The following KCNN3 variants were observed in gnomAD, a reference collection of about 807,000 sequenced individuals.
The protein encoded by KCNN3 is small conductance calcium-activated potassium channel protein 3.
KCNN3 carries 16 observed loss-of-function variants against 62.9 expected under a neutral mutation model. That is an observed-to-expected ratio of 0.25 (90% CI 0.17 to 0.39). The LOEUF (loss-of-function observed/expected upper bound fraction) is 0.39, where lower values mean the gene tolerates loss of function less well. Among genes scored for constraint, KCNN3 ranks in the 10% least tolerant of loss-of-function variants. The pLI, the probability that KCNN3 is intolerant of heterozygous loss-of-function variation, is 1.00. For synonymous variants in KCNN3, 370 were observed against 389.2 expected, an observed-to-expected ratio of 0.95 and a Z score of 0.58; for missense variants, 599 against 949.4, an observed-to-expected ratio of 0.63 and a Z score of 4.85.
intron 3 of KCNN3, among the ~76,000 whole-genome samples, chr1:154,761,369 G>A (rs1648004149): frequency 1.3e-5 from 2 of 152,114 alleles, no homozygotes; most frequent in African/African-American, 4.8e-5. Context: ...TCAGGAGGGT[G>A]AGGCATGAGA....
intron 2 of KCNN3, among the ~76,000 whole-genome samples, chr1:154,821,317 G>T (rs1650882361): frequency 6.6e-6 from 1 of 152,194 alleles, no homozygotes. Context: ...AAAAACATCT[G>T]GATAGTTTAG....
intron 3 of KCNN3, among the ~76,000 whole-genome samples, chr1:154,768,081 C>T (rs1351019809): frequency 6.6e-6 from 1 of 152,178 alleles, no homozygotes; most frequent in African/African-American, 2.4e-5. Flanking sequence ...TTTCTAGAAC[C>T]TGTCATGCTG....
Position 154,869,847 on chromosome 1 carries a change from G to T in KCNN3, c.118C>A (p.Gln40Lys), listed in dbSNP as rs1476022991. 1 of 1,578,686 alleles carries T rather than the reference G, an allele frequency of 6.3e-7. No individual in the cohort carries two copies. Among genetic ancestry groups the T allele is most frequent in the Non-Finnish European group, 8.6e-7 (1 of 1,161,256 alleles). The change falls in exon 1 of 8, where the codon CAG becomes AAG. Residue 40 changes from glutamine (Q) to lysine (K), a missense_variant. Gln to Lys is a moderately conservative substitution (Grantham distance 53). Transcript: ENST00000271915. The surrounding 1 kb of genome is among the most constrained non-coding windows in gnomAD (Gnocchi z 6.1). ...GGTGGCGCTGGCGGTGGTGGCTGCTGCTGCTGTTGCTGCTGCTGCTGCTGC... is the reference window on the plus strand; with the variant it reads ...GGTGGCGCTGGCGGTGGTGGCTGCTTCTGCTGTTGCTGCTGCTGCTGCTGC... ...QQQQQQQQQQ[Q>K]QPPPPAPPAA...
At chr1:154,856,532 C>A (rs956420733) in intron 1 of KCNN3, among the ~76,000 whole-genome samples, 1 of 152,172 alleles carries the variant, frequency 6.6e-6, no homozygotes, top group Admixed American at 6.5e-5. Flanking sequence ...CTCTAGATGA[C>A]AAAACAGAGG....
At chr1:154,851,875 T>C (rs1460308127) in intron 1 of KCNN3, among the ~76,000 whole-genome samples, 1 of 152,172 alleles carries the variant, frequency 6.6e-6, no homozygotes, top group Non-Finnish European at 1.5e-5. Flanking sequence ...CAAGCCCTCC[T>C]CTTGCTCCCA....
intron 1 of KCNN3, 38 bp from the exon 2 acceptor site, chr1:154,822,222 G>A (rs1156378964): frequency 1.4e-5 from 20 of 1,446,092 alleles, no homozygotes; most frequent in Non-Finnish European, 1.8e-5. Context: ...AGGGAGTGCG[G>A]GGAAAGGAGC....
intron 1 of KCNN3, among the ~76,000 whole-genome samples, chr1:154,836,239 G>T (rs1471705070): frequency 6.6e-6 from 1 of 152,188 alleles, no homozygotes; most frequent in Non-Finnish European, 1.5e-5. Context: ...TCGTACAAGT[G>T]AGGAGATGGT....
chr1:154,719,466 C>A (rs78694674), intron 5 of KCNN3, among the ~76,000 whole-genome samples: 2,391 of 152,240 alleles, frequency 0.016, 69 homozygotes, highest in African/African-American at 0.055. Flanking sequence ...TACTGTAGGC[C>A]ACTGTAACAC....
intron 3 of KCNN3, among the ~76,000 whole-genome samples, chr1:154,768,187 A>G (rs11264257): frequency 0.44 from 66,365 of 152,052 alleles, 15,001 homozygotes; most frequent in East Asian, 0.65. Flanking sequence ...CATCCTGTCC[A>G]CACTACCCTG....
Position 154,722,385 on chromosome 1 carries a change from ATTTTT to A in KCNN3, c.1701+3526_1701+3530del, listed in dbSNP as rs11347024. ...ATGTTATGAATAGACTGAGCTTAGC[ATTTTT>A]TTTTTTTTTTTTTTTGAGATGGAGT... On this transcript the variant is annotated intron_variant, in intron 5 of 7. Coordinates refer to ENST00000271915, the MANE Select transcript of KCNN3 (RefSeq NM_002249.6). Among the ~76,000 whole-genome samples the A allele has an allele frequency of 8.8e-3, 902 of 102,030 alleles. 12 individuals are homozygous for A. Among genetic ancestry groups the A allele is most frequent in the African/African-American group, 0.032 (882 of 27,198 alleles). The allele number at this position is 102,030 out of a possible 152,430, so 66.9% of individuals were successfully genotyped here.
intron 1 of KCNN3, among the ~76,000 whole-genome samples, chr1:154,840,495 A>G (rs1203423538): frequency 6.6e-6 from 1 of 152,204 alleles, no homozygotes; most frequent in East Asian, 1.9e-4. Context: ...AAATCTCACA[A>G]GCCGCTTCTC....
At chr1:154,777,489 G>A (rs1182615991) in intron 2 of KCNN3, among the ~76,000 whole-genome samples, 1 of 152,048 alleles carries the variant, frequency 6.6e-6, no homozygotes, top group East Asian at 1.9e-4. Context: ...GACTCACAAA[G>A]GACCTGACAA....
intron 3 of KCNN3, among the ~76,000 whole-genome samples, chr1:154,736,199 G>A (rs1700708837): frequency 6.6e-6 from 1 of 152,170 alleles, no homozygotes; most frequent in Non-Finnish European, 1.5e-5. Context: ...ATGATGGGAG[G>A]ATTAAGTAAA....
intron 2 of KCNN3, among the ~76,000 whole-genome samples, chr1:154,790,628 C>T (rs1236096896): frequency 1.3e-5 from 2 of 152,254 alleles, no homozygotes; most frequent in South Asian, 2.1e-4. Context: ...AATATCATGC[C>T]GCATACCACT....
chr1:154,742,852 G>A (rs573273199), intron 3 of KCNN3, among the ~76,000 whole-genome samples: 6 of 152,252 alleles, frequency 3.9e-5, no homozygotes, highest in Non-Finnish European at 5.9e-5. Flanking sequence ...CTGGGGCTTC[G>A]TCCTAGTGAC....
At chr1:154,867,847 G>T in intron 1 of KCNN3, 2 of 507,666 alleles carry the variant, frequency 3.9e-6, no homozygotes, top group Non-Finnish European at 5.1e-6. Context: ...ATTGGGGGTG[G>T]GGGTATCGTG....
chr1:154,771,893 AC>A, intron 3 of KCNN3, 81 bp downstream of exon 3: 2 of 1,391,640 alleles, frequency 1.4e-6, no homozygotes, highest in Non-Finnish European at 2.0e-6. Flanking sequence ...CCATCAGACC[AC>A]ATACTTCCTG....
intron 1 of KCNN3, among the ~76,000 whole-genome samples, chr1:154,848,550 C>T (rs1012223056): frequency 6.6e-6 from 1 of 152,132 alleles, no homozygotes; most frequent in Non-Finnish European, 1.5e-5. Flanking sequence ...TCGTGAAGCC[C>T]CCACTACTCC....
intron 1 of KCNN3, among the ~76,000 whole-genome samples, chr1:154,829,335 A>C (rs1226825612): frequency 4.6e-5 from 7 of 152,228 alleles, no homozygotes; most frequent in Non-Finnish European, 1.0e-4. Flanking sequence ...GGCAGAGCTC[A>C]AGAATGGATA....
Sources: gnomAD v4.1 joint callset for allele counts (sites outside exome capture counted in the v4.1 genomes callset) on GRCh38, gnomAD v4.1.1 for gene constraint, Gnocchi (gnomAD v3.1) non-coding constraint, MANE v1.5 for transcripts, NCBI Gene and HGNC (gene_info 2026-07-23, HGNC 2026-07-21) for gene names.